ANO2: variants seen among roughly 807,000 people sequenced by gnomAD.
ANO2 encodes anoctamin-2.
Under a neutral mutation model 124.2 loss-of-function variants are expected in ANO2, and 101 were observed. That is an observed-to-expected ratio of 0.81 (90% CI 0.69 to 0.96). The LOEUF (loss-of-function observed/expected upper bound fraction) is 0.96. Among genes scored for constraint, ANO2 ranks in the 40% least tolerant of loss-of-function variants. The pLI is 0.00. For missense variants in ANO2, 1,293 were observed against 1,274.5 expected (o/e 1.01, Z -0.22); for synonymous variants, 486 against 482.5 (o/e 1.01, Z -0.09).
chr12:5,739,458 C>A, intron 12 of ANO2, 59 bp from the exon 13 acceptor site: 1 of 1,430,436 alleles, frequency 7.0e-7, no homozygotes, highest in African/African-American at 1.4e-5. Context: ...GATTCTGTAC[C>A]CTTTGGGCTC....
chr12:5,587,444 C>T (rs1591676035), intron 20 of ANO2, among the ~76,000 whole-genome samples: 1 of 152,206 alleles, frequency 6.6e-6, no homozygotes, highest in Non-Finnish European at 1.5e-5. Flanking sequence ...GTCCAGAGAA[C>T]TTAAGCTTGC....
At chr12:5,837,504 A>C (rs1360897670) in intron 4 of ANO2, among the ~76,000 whole-genome samples, 6 of 113,312 alleles carry the variant, frequency 5.3e-5, no homozygotes, top group Admixed American at 2.4e-4. Flanking sequence ...CAGTCCCCAG[A>C]GTGTGATGTT....
intron 7 of ANO2, among the ~76,000 whole-genome samples, chr12:5,809,047 T>G (rs1953298179): frequency 6.6e-6 from 1 of 152,192 alleles, no homozygotes; most frequent in Non-Finnish European, 1.5e-5. Context: ...GCCAGTCCTT[T>G]CCTGATTTTA....
At chr12:5,729,494 A>G (rs886846985) in intron 14 of ANO2, among the ~76,000 whole-genome samples, 7 of 152,206 alleles carry the variant, frequency 4.6e-5, no homozygotes, top group African/African-American at 9.6e-5. Flanking sequence ...GATAAAATGT[A>G]AAAAACAGAT....
chr12:5,593,293 T>C (rs962929881), intron 20 of ANO2, among the ~76,000 whole-genome samples: 3 of 152,204 alleles, frequency 2.0e-5, no homozygotes, highest in Non-Finnish European at 4.4e-5. Context: ...AGGGAGATAA[T>C]TGAATTCCTG....
At chr12:5,891,875 A>G (rs1939433270) in intron 3 of ANO2, among the ~76,000 whole-genome samples, 1 of 152,234 alleles carries the variant, frequency 6.6e-6, no homozygotes, top group African/African-American at 2.4e-5. Flanking sequence ...CATAATATTG[A>G]AAGTGTCCAG....
intron 20 of ANO2, among the ~76,000 whole-genome samples, chr12:5,587,604 AG>A (rs1264519981): frequency 6.6e-6 from 1 of 152,148 alleles, no homozygotes; most frequent in African/African-American, 2.4e-5. Flanking sequence ...CTCTTGGGCC[AG>A]TTTTCTTTCA....
chr12:5,616,259 A>G (rs956777099), intron 16 of ANO2, among the ~76,000 whole-genome samples: 1 of 152,184 alleles, frequency 6.6e-6, no homozygotes, highest in Non-Finnish European at 1.5e-5. Flanking sequence ...TCTGAGATCA[A>G]GGTAGATTTG....
chr12:5,705,634 T>G (rs1266213601), intron 14 of ANO2, among the ~76,000 whole-genome samples: 1 of 152,244 alleles, frequency 6.6e-6, no homozygotes, highest in East Asian at 1.9e-4. Flanking sequence ...CAAACAACTA[T>G]GAATTCTTAC....
At chr12:5,923,226 A>ACG (rs1941897682) in intron 1 of ANO2, among the ~76,000 whole-genome samples, 1 of 110,360 alleles carries the variant, frequency 9.1e-6, no homozygotes, top group African/African-American at 3.0e-5. Context: ...ACACACACAC[A>ACG]TGCACACATA....
In ANO2 at chr12:5,922,791, G is replaced by T. The variant is rs1298536838; in HGVS notation, c.36C>A (p.Leu12=). 2.0e-6 allele frequency: 3 copies of T among 1,523,876 alleles called. No homozygotes were observed. The highest frequency in any genetic ancestry group is 4.8e-5 in the East Asian group (2 of 41,606). The allele number at this position is 1,523,876 out of a possible 1,614,324, so 94.4% of individuals were successfully genotyped here. Reference sequence around the variant, plus strand: ...GGCTCAGCCGGCGTGGGGAGCCAGGGAGCAGGGGTATATCTGTGAGAGGGA... The same window carrying T: ...GGCTCAGCCGGCGTGGGGAGCCAGGTAGCAGGGGTATATCTGTGAGAGGGA... ...ATPGPRDIPL[L]PGSPRRLSPQ... The change falls in exon 2 of 25, where the codon CTC becomes CTA. Residue 12 remains leucine, a synonymous_variant. Coordinates refer to ENST00000682330, the MANE Select transcript of ANO2 (RefSeq NM_001364791.2).
chr12:5,866,886 A>C (rs1208560915), intron 3 of ANO2, among the ~76,000 whole-genome samples: 1 of 152,270 alleles, frequency 6.6e-6, no homozygotes, highest in African/African-American at 2.4e-5. Context: ...CTTTAAGAAA[A>C]TGCCTTCCTC....
chr12:5,940,659 T>C (rs1219660966), intron 1 of ANO2, among the ~76,000 whole-genome samples: 2 of 152,256 alleles, frequency 1.3e-5, no homozygotes, highest in East Asian at 3.8e-4. Context: ...AGAACCCTCA[T>C]AAATTGCTGG....
chr12:5,888,885 C>T (rs1162111681), intron 3 of ANO2, among the ~76,000 whole-genome samples: 2 of 152,228 alleles, frequency 1.3e-5, no homozygotes, highest in Non-Finnish European at 2.9e-5. Context: ...CAGTCCCACG[C>T]CGTGCGCCCA....
chr12:5,585,078 G>A (rs1657672086), intron 20 of ANO2, among the ~76,000 whole-genome samples: 1 of 151,494 alleles, frequency 6.6e-6, no homozygotes, highest in Non-Finnish European at 1.5e-5. Context: ...TAACAGTGCT[G>A]TAGAGTGCTG....
At chr12:5,816,804 T>G (rs1295276284) in intron 7 of ANO2, among the ~76,000 whole-genome samples, 3 of 152,190 alleles carry the variant, frequency 2.0e-5, no homozygotes, top group Non-Finnish European at 1.5e-5. Flanking sequence ...TGTATGTATC[T>G]CTATTATAGC....
chr12:5,819,199 CA>C (rs1326691920), intron 7 of ANO2, among the ~76,000 whole-genome samples: 1 of 152,180 alleles, frequency 6.6e-6, no homozygotes, highest in African/African-American at 2.4e-5. Flanking sequence ...GAGCCACCCC[CA>C]ACACCCCTGT....
At chr12:5,902,016 T>C (rs565656260) in intron 3 of ANO2, among the ~76,000 whole-genome samples, 24 of 152,324 alleles carry the variant, frequency 1.6e-4, no homozygotes, top group African/African-American at 5.1e-4. Flanking sequence ...TTTGAGATAC[T>C]GCATGAGCGA....
At chr12:5,939,213 CAAAAAA>C (rs34787622) in intron 1 of ANO2, among the ~76,000 whole-genome samples, 69 of 86,198 alleles carry the variant, frequency 8.0e-4, no homozygotes, top group African/African-American at 2.9e-3. Context: ...AAGACTCCAA[CAAAAAA>C]AAAAAAAAAA....
Sources: gnomAD v4.1 joint callset for allele counts (sites outside exome capture counted in the v4.1 genomes callset) on GRCh38, gnomAD v4.1.1 for gene constraint, MANE v1.5 for transcripts, NCBI Gene and HGNC (gene_info 2026-07-23, HGNC 2026-07-21) for gene names.